The following ATXN7L1 variants were observed in gnomAD, a reference collection of about 807,000 sequenced individuals.
ATXN7L1 encodes the protein ataxin 7 like 1.
Under a neutral mutation model 70.8 loss-of-function variants are expected in ATXN7L1, and 15 were observed. The observed-to-expected ratio is 0.21, with a 90% CI of 0.14 to 0.33. ATXN7L1 has a LOEUF of 0.33. Among genes scored for constraint, ATXN7L1 ranks in the 10% least tolerant of loss-of-function variants. The pLI is 1.00. For missense variants in ATXN7L1, 975 were observed against 1,097.1 expected, an observed-to-expected ratio of 0.89 and a Z score of 1.57; for synonymous variants, 440 against 445.1, an observed-to-expected ratio of 0.99 and a Z score of 0.14.
At chr7:105,824,901 G>T (rs865828828) in intron 2 of ATXN7L1, among the ~76,000 whole-genome samples, 1 of 143,396 alleles carries the variant, frequency 7.0e-6, no homozygotes, top group Admixed American at 7.2e-5. Context: ...CAGCCTGGGC[G>T]ACAGAGTGAG....
At chr7:105,806,544 A>T (rs1807639415) in intron 2 of ATXN7L1, among the ~76,000 whole-genome samples, 1 of 152,140 alleles carries the variant, frequency 6.6e-6, no homozygotes, top group Non-Finnish European at 1.5e-5. Flanking sequence ...TCCAAGAGGC[A>T]AGCTGGGGCC....
intron 5 of ATXN7L1, among the ~76,000 whole-genome samples, chr7:105,640,453 ATCT>A (rs1798011644): frequency 6.6e-6 from 1 of 152,192 alleles, no homozygotes; most frequent in African/African-American, 2.4e-5. Context: ...TTCTATACCC[ATCT>A]TGGGTCCTTC....
chr7:105,775,808 G>A (rs1340335832), intron 3 of ATXN7L1, among the ~76,000 whole-genome samples: 1 of 152,194 alleles, frequency 6.6e-6, no homozygotes, highest in Non-Finnish European at 1.5e-5. Flanking sequence ...GTTGCCCACT[G>A]CATGTGGCTG....
At chr7:105,616,878 T>C (rs143874689) in intron 9 of ATXN7L1, among the ~76,000 whole-genome samples, 13 of 152,228 alleles carry the variant, frequency 8.5e-5, no homozygotes, top group African/African-American at 2.9e-4. Context: ...ACTCCATCTT[T>C]CCTTGACTCA....
intron 7 of ATXN7L1, among the ~76,000 whole-genome samples, chr7:105,626,235 A>T (rs1795674242): frequency 6.6e-6 from 1 of 152,252 alleles, no homozygotes; most frequent in African/African-American, 2.4e-5. Context: ...TACTATATGA[A>T]TGACACTTGA....
chr7:105,698,871 T>C (rs1370284634), intron 3 of ATXN7L1, among the ~76,000 whole-genome samples: 1 of 152,174 alleles, frequency 6.6e-6, no homozygotes, highest in Non-Finnish European at 1.5e-5. Context: ...GTGTTTTAAA[T>C]ACGTGTTTTG....
intron 7 of ATXN7L1, among the ~76,000 whole-genome samples, chr7:105,626,366 A>T (rs1795694771): frequency 6.6e-6 from 1 of 152,196 alleles, no homozygotes; most frequent in African/African-American, 2.4e-5. Context: ...GGAGCGGGGA[A>T]TAGGGAGGGG....
intron 3 of ATXN7L1, among the ~76,000 whole-genome samples, chr7:105,757,449 C>T (rs527470018): frequency 6.7e-5 from 10 of 150,252 alleles, no homozygotes; most frequent in African/African-American, 1.5e-4. Context: ...GGGGTATATG[C>T]AATTATTATG....
chr7:105,837,677 A>G (rs770077888), intron 2 of ATXN7L1, among the ~76,000 whole-genome samples: 1 of 152,136 alleles, frequency 6.6e-6, no homozygotes, highest in African/African-American at 2.4e-5. Flanking sequence ...AGGTGAACGC[A>G]TGAACAGGGA....
At chr7:105,839,833 T>C (rs10229491) in intron 2 of ATXN7L1, among the ~76,000 whole-genome samples, 88,429 of 151,886 alleles carry the variant, frequency 0.58, 26,406 homozygotes, top group East Asian at 0.95. Context: ...GCACCCAGAG[T>C]CCACCAGAAA....
intron 4 of ATXN7L1, among the ~76,000 whole-genome samples, chr7:105,663,527 C>T (rs1261531032): frequency 6.6e-6 from 1 of 152,248 alleles, no homozygotes; most frequent in South Asian, 2.1e-4. Flanking sequence ...TCTTTAAATA[C>T]ATAAATTAGA....
At chr7:105,789,681 G>A (rs1334230733) in intron 2 of ATXN7L1, among the ~76,000 whole-genome samples, 1 of 152,148 alleles carries the variant, frequency 6.6e-6, no homozygotes. Flanking sequence ...AAACAGCAGG[G>A]TGAGGCTGGC....
intron 2 of ATXN7L1, among the ~76,000 whole-genome samples, chr7:105,829,600 C>T (rs1007313994): frequency 2.6e-5 from 4 of 151,840 alleles, no homozygotes; most frequent in Admixed American, 6.6e-5. Flanking sequence ...TACAAAACAC[C>T]CACAAATATA....
chr7:105,709,525 C>T (rs1269168137), intron 3 of ATXN7L1, among the ~76,000 whole-genome samples: 2 of 152,078 alleles, frequency 1.3e-5, no homozygotes, highest in South Asian at 2.1e-4. Context: ...TTGTCTGGCT[C>T]TTACAATCCA....
intron 11 of ATXN7L1, among the ~76,000 whole-genome samples, chr7:105,609,236 C>A (rs1253223557): frequency 6.7e-6 from 1 of 150,288 alleles, no homozygotes; most frequent in Non-Finnish European, 1.5e-5. Flanking sequence ...ATGGTGCGAT[C>A]TTGGCTCACT....
In ATXN7L1 at chr7:105,769,719, T is replaced by C. The variant is rs144898527; in HGVS notation, c.355+18885A>G. On this transcript the variant is annotated intron_variant, in intron 3 of 11. Transcript: ENST00000419735. ...ATACAGTATCTGAAGAGAAGACTGG[T>C]AGAAGGCATAAGTGTCTCTGAGTTC... is the stretch of plus-strand genomic sequence containing the variant. Among the ~76,000 whole-genome samples the C allele has an allele frequency of 5.3e-4, 80 of 152,314 alleles. No individual in the cohort carries two copies. In the East Asian group the frequency reaches 0.013, roughly 25 times the overall value.
chr7:105,843,625 G>A (rs1011626024), intron 2 of ATXN7L1, among the ~76,000 whole-genome samples: 8 of 152,188 alleles, frequency 5.3e-5, no homozygotes, highest in Non-Finnish European at 8.8e-5. Flanking sequence ...TTTGGAAAAC[G>A]GGCCACTGGC....
rs1462125950 is a variant in ATXN7L1 at position 105,727,777 on chromosome 7, T to TATATATATATATATAC, written c.355+60826_355+60827insGTATATATATATATAT. The stretch of plus-strand genomic sequence containing the variant: ...ATATATATATATATATATATATATA[T>TATATATATATATATAC]ACACACACATACACACATATATATA... On this transcript the variant is annotated intron_variant, in intron 3 of 11. Transcript: ENST00000419735. Among the ~76,000 whole-genome samples the TATATATATATATATAC allele has an allele frequency of 9.3e-3, 830 of 89,630 alleles. 5 individuals are homozygous for TATATATATATATATAC. Among genetic ancestry groups the TATATATATATATATAC allele is most frequent in the African/African-American group, 0.024 (390 of 16,100 alleles). The allele number at this position is 89,630 out of a possible 152,430, so 58.8% of individuals were successfully genotyped here.
At chr7:105,750,121 T>C (rs184720123) in intron 3 of ATXN7L1, among the ~76,000 whole-genome samples, 1 of 151,958 alleles carries the variant, frequency 6.6e-6, no homozygotes, top group Admixed American at 6.6e-5. Flanking sequence ...GCAGGCACTT[T>C]AGAAAGAAGC....
Sources: allele counts gnomAD v4.1 joint callset (sites outside exome capture counted in the v4.1 genomes callset), GRCh38; gene constraint gnomAD v4.1.1; transcripts MANE v1.5; gene names NCBI Gene and HGNC (gene_info 2026-07-23, HGNC 2026-07-21).